The following CNTFR variants were observed in gnomAD, a reference collection of about 807,000 sequenced individuals.
CNTFR encodes the protein ciliary neurotrophic factor receptor subunit alpha.
CNTFR carries 12 observed loss-of-function variants against 40.4 expected under a neutral mutation model. The ratio of observed to expected loss-of-function variants is 0.30; its 90% CI spans 0.19 to 0.48. The LOEUF (loss-of-function observed/expected upper bound fraction) is 0.48, where lower values mean the gene tolerates loss of function less well. Among genes scored for constraint, CNTFR ranks in the 20% least tolerant of loss-of-function variants. CNTFR has a pLI of 0.99. For synonymous variants in CNTFR, 202 were observed against 209.6 expected (o/e 0.96, Z 0.31); for missense variants, 414 against 506.8 (o/e 0.82, Z 1.76).
chr9:34,579,655 C>CA (rs1827188847), intron 2 of CNTFR, among the ~76,000 whole-genome samples: 1 of 151,904 alleles, frequency 6.6e-6, no homozygotes, highest in Admixed American at 6.5e-5. Context: ...CAGAAACAAA[C>CA]AAACAAAAAG....
chr9:34,564,925 T>A, intron 3 of CNTFR, 93 bp from the exon 4 acceptor site: 1 of 1,070,806 alleles, frequency 9.3e-7, no homozygotes, highest in Non-Finnish European at 1.4e-6. Context: ...CCTGTGAGGA[T>A]GGATGAGTGA....
At chr9:34,578,923 C>A (rs1827135481) in intron 2 of CNTFR, among the ~76,000 whole-genome samples, 1 of 152,218 alleles carries the variant, frequency 6.6e-6, no homozygotes, top group Non-Finnish European at 1.5e-5. Flanking sequence ...GACCCCAGAT[C>A]CGCCTTTAGG....
intron 4 of CNTFR, among the ~76,000 whole-genome samples, chr9:34,562,403 T>G (rs1826111385): frequency 6.6e-6 from 1 of 152,154 alleles, no homozygotes; most frequent in South Asian, 2.1e-4. Context: ...CGCCATCTCT[T>G]CAGTTTAGAC....
At position 34,557,830 on chromosome 9, in the gene CNTFR, T is replaced by G; in HGVS notation, c.437+37A>C. On this transcript the variant is annotated intron_variant, in intron 5 of 9. Coordinates refer to ENST00000378980, the MANE Select transcript of CNTFR (RefSeq NM_147164.3). The surrounding 1 kb of genome is among the most constrained non-coding windows in gnomAD (Gnocchi z 4.2). ...GGTGGGATGGGGGAGAGGTCAGAGG[T>G]CAGGGCTGGACCCGGGTCACAGGCG... 1 of 1,547,426 alleles carries G rather than the reference T, an allele frequency of 6.5e-7. No individual in the cohort carries two copies. The highest frequency in any genetic ancestry group is 8.8e-7 in the Non-Finnish European group (1 of 1,135,848).
rs188879031 is a variant in CNTFR, at chr9:34,563,254, G to A, written c.319+1345C>T. Among the ~76,000 whole-genome samples, 203 of 152,280 alleles carry A rather than the reference G, an allele frequency of 1.3e-3. 1 individual carries two copies. The highest frequency in any genetic ancestry group is 2.5e-3 in the Non-Finnish European group (172 of 68,022). On this transcript the variant is annotated intron_variant, in intron 4 of 9. Transcript: ENST00000378980. Reference sequence around the variant, plus strand: ...TCACTCCCAAATTCTGCAGTTATTCGCCTAAGAGCTTTCTTTTGCTTTGCC... The same window carrying A: ...TCACTCCCAAATTCTGCAGTTATTCACCTAAGAGCTTTCTTTTGCTTTGCC...
rs78900597 is a variant in CNTFR, at chr9:34,554,156, C to A, written c.769-1302G>T. Among the ~76,000 whole-genome samples the A allele has an allele frequency of 9.9e-3, 1,511 of 152,244 alleles. 16 individuals carry two copies. The highest frequency in any genetic ancestry group is 0.034 in the Middle Eastern group (10 of 294). On this transcript the variant is annotated intron_variant, in intron 7 of 9. Coordinates refer to ENST00000378980, the MANE Select transcript of CNTFR (RefSeq NM_147164.3). ...TCAGCCCTGGAAGATCGGAGGGTCC[C>A]AAAGACCCTCTTCTCCTGGAGCCAG...
intron 2 of CNTFR, among the ~76,000 whole-genome samples, chr9:34,571,701 C>T (rs751277835): frequency 2.0e-5 from 3 of 152,004 alleles, no homozygotes; most frequent in South Asian, 2.1e-4. Flanking sequence ...CCACGGGAGA[C>T]GGGTGCTGCT....
chr9:34,563,773 C>T (rs887756609), intron 4 of CNTFR, among the ~76,000 whole-genome samples: 1 of 152,200 alleles, frequency 6.6e-6, no homozygotes, highest in Non-Finnish European at 1.5e-5. Flanking sequence ...CCAACTGCGC[C>T]TTCTCAGCTT....
chr9:34,577,150 A>G (rs1261010239), intron 2 of CNTFR, among the ~76,000 whole-genome samples: 2 of 152,228 alleles, frequency 1.3e-5, no homozygotes, highest in African/African-American at 4.8e-5. Flanking sequence ...CTGGAGGAGT[A>G]GACGCGGAGT....
At chr9:34,583,853 A>G (rs1284383446) in intron 1 of CNTFR, among the ~76,000 whole-genome samples, 1 of 152,174 alleles carries the variant, frequency 6.6e-6, no homozygotes, top group African/African-American at 2.4e-5. Context: ...GGGGCCCACA[A>G]GGGTCAGCTC....
At chr9:34,588,149 C>T (rs994880489) in intron 1 of CNTFR, among the ~76,000 whole-genome samples, 1 of 152,142 alleles carries the variant, frequency 6.6e-6, no homozygotes, top group African/African-American at 2.4e-5. Flanking sequence ...TTAGCTCTAT[C>T]TCACCAATGC....
intron 2 of CNTFR, among the ~76,000 whole-genome samples, chr9:34,576,528 AGCCTAGGGAT>A (rs1459726066): frequency 4.6e-5 from 7 of 152,368 alleles, no homozygotes; most frequent in African/African-American, 1.2e-4. Context: ...AGGGACAGAA[AGCCTAGGGAT>A]GCCTAGGGCA....
At chr9:34,587,481 G>A (rs970749948) in intron 1 of CNTFR, among the ~76,000 whole-genome samples, 1 of 152,132 alleles carries the variant, frequency 6.6e-6, no homozygotes, top group East Asian at 1.9e-4. Context: ...GTCTATGTGT[G>A]AGCTCCAGGT....
chr9:34,561,872 A>C (rs1239456202), intron 4 of CNTFR, among the ~76,000 whole-genome samples: 1 of 152,200 alleles, frequency 6.6e-6, no homozygotes, highest in African/African-American at 2.4e-5. Flanking sequence ...ATGCAATGAG[A>C]GATAAGTACC....
chr9:34,580,610 C>A (rs1331959846), intron 2 of CNTFR, among the ~76,000 whole-genome samples: 11 of 152,198 alleles, frequency 7.2e-5, no homozygotes, highest in Non-Finnish European at 8.8e-5. Flanking sequence ...GATGCCCCCA[C>A]CCCCAAGCTG....
chr9:34,574,549 G>A (rs926581148), intron 2 of CNTFR, among the ~76,000 whole-genome samples: 2 of 152,200 alleles, frequency 1.3e-5, no homozygotes, highest in African/African-American at 4.8e-5. Flanking sequence ...TTAGAAGGGG[G>A]CAGAATAAGC....
chr9:34,573,296 C>A (rs577485433), intron 2 of CNTFR, among the ~76,000 whole-genome samples: 11 of 152,330 alleles, frequency 7.2e-5, no homozygotes, highest in African/African-American at 2.6e-4. Flanking sequence ...AGCCCTGCCG[C>A]CATCAGGTCA....
At chr9:34,577,828 A>G (rs943320972) in intron 2 of CNTFR, among the ~76,000 whole-genome samples, 2 of 148,050 alleles carry the variant, frequency 1.4e-5, no homozygotes, top group Non-Finnish European at 3.0e-5. Flanking sequence ...GGGGGGAGAG[A>G]CAGAGAAGAG....
chr9:34,565,038 G>A (rs1312255743), intron 3 of CNTFR, among the ~76,000 whole-genome samples: 2 of 152,176 alleles, frequency 1.3e-5, no homozygotes, highest in African/African-American at 4.8e-5. Flanking sequence ...GTCTCCAAAT[G>A]TGAATGTGAG....
Sources: allele counts gnomAD v4.1 joint callset (sites outside exome capture counted in the v4.1 genomes callset), GRCh38; gene constraint gnomAD v4.1.1; non-coding constraint Gnocchi (gnomAD v3.1); transcripts MANE v1.5; gene names NCBI Gene and HGNC (gene_info 2026-07-23, HGNC 2026-07-21).